PLG: variants seen among roughly 807,000 people sequenced by gnomAD.
PLG encodes the protein plasmin.
PLG carries 41 observed loss-of-function variants against 104.4 expected under a neutral mutation model. The ratio of observed to expected loss-of-function variants is 0.39; its 90% CI spans 0.31 to 0.51. PLG has a LOEUF of 0.51. Among genes scored for constraint, PLG ranks in the 20% least tolerant of loss-of-function variants. The pLI, the probability that PLG is intolerant of heterozygous loss-of-function variation, is 0.76. For synonymous variants in PLG, 337 were observed against 357.1 expected, an observed-to-expected ratio of 0.94 and a Z score of 0.63; for missense variants, 891 against 1,003.6, an observed-to-expected ratio of 0.89 and a Z score of 1.52.
rs144869703 is a variant in PLG at position 160,741,378 on chromosome 6, C to G, written c.2086C>G (p.Arg696Gly). The G allele has an allele frequency of 2.5e-6, 4 of 1,613,180 alleles. No homozygotes were observed. The highest frequency in any genetic ancestry group is 3.3e-4 in the Middle Eastern group (2 of 6,056). Residue 696 changes from arginine to glycine, a missense_variant, in exon 17 of 19, where the codon CGG (arginine) becomes GGG (glycine). Transcript: ENST00000308192. This position sits in a 1 kb window ranked among gnomAD's most constrained non-coding sequence, Gnocchi z 4.7. ...ATCCCCAAATTATGTGGTCGCTGAC[C>G]GGACCGAATGTTTCATCACTGGCTG... ...LPSPNYVVAD[R>G]TECFITGWGE... is the part of the protein sequence containing the mutation.
At chr6:160,715,776 A>C (rs1250279993) in intron 6 of PLG, among the ~76,000 whole-genome samples, 1 of 152,216 alleles carries the variant, frequency 6.6e-6, no homozygotes, top group African/African-American at 2.4e-5. Context: ...ATTTTCCTTC[A>C]AAGGAGAAAT....
intron 3 of PLG, 148 bp from the exon 4 acceptor site, chr6:160,710,929 C>T: frequency 1.4e-6 from 1 of 728,024 alleles, no homozygotes; most frequent in Non-Finnish European, 2.5e-6. Flanking sequence ...TTTACTGCAG[C>T]CTTTTTGCAG....
Position 160,731,686 on chromosome 6 carries a change from T to C in PLG, c.1439-59T>C. ...GAGAAACCTGACATGACTGTATTGATTCCATATCATCCTGGGTCTCTGTGG... is the reference window on the plus strand; with the variant it reads ...GAGAAACCTGACATGACTGTATTGACTCCATATCATCCTGGGTCTCTGTGG... On this transcript the variant is annotated intron_variant, in intron 11 of 18. Coordinates refer to ENST00000308192, the MANE Select transcript of PLG (RefSeq NM_000301.5). The surrounding 1 kb of genome is among the most constrained non-coding windows in gnomAD (Gnocchi z 5.1). 2 of 1,524,202 alleles carry C rather than the reference T, an allele frequency of 1.3e-6. No homozygotes were observed. The highest frequency in any genetic ancestry group is 1.8e-6 in the Non-Finnish European group (2 of 1,098,172). The allele number at this position is 1,524,202 out of a possible 1,614,324, so 94.4% of individuals were successfully genotyped here.
chr6:160,723,241 A>G lies in PLG; in HGVS notation c.1256+674A>G, dbSNP rs1777873478. On this transcript the variant is annotated intron_variant, in intron 10 of 18. Coordinates refer to ENST00000308192, the MANE Select transcript of PLG (RefSeq NM_000301.5). The surrounding 1 kb of genome is among the most constrained non-coding windows in gnomAD (Gnocchi z 4.7). Reference sequence around the variant, plus strand: ...CTGAGCACCAGTGGCCTGAAAGGATATGGGTTGCTGGGACATGAAGAACAA... The same window carrying G: ...CTGAGCACCAGTGGCCTGAAAGGATGTGGGTTGCTGGGACATGAAGAACAA... Among the ~76,000 whole-genome samples, 1 of 150,644 alleles carries G rather than the reference A, an allele frequency of 6.6e-6. No individual in the cohort carries two copies. Among genetic ancestry groups the G allele is most frequent in the Admixed American group, 6.6e-5 (1 of 15,158 alleles).
chr6:160,730,962 A>G, intron 10 of PLG, 89 bp from the exon 11 acceptor site: 1 of 1,327,716 alleles, frequency 7.5e-7, no homozygotes, highest in African/African-American at 1.5e-5. Flanking sequence ...CCACTTGTTA[A>G]CACTTTGTTA....
chr6:160,751,717 T>C (rs895430578), intron 17 of PLG, among the ~76,000 whole-genome samples: 12 of 152,092 alleles, frequency 7.9e-5, no homozygotes, highest in Non-Finnish European at 1.2e-4. Context: ...CAATGATGAG[T>C]GAAAAAATCA....
intron 1 of PLG, chr6:160,705,889 T>C (rs556302948): frequency 1.3e-5 from 2 of 155,390 alleles, no homozygotes; most frequent in South Asian, 2.0e-4. Flanking sequence ...AAATTTGTTC[T>C]TGTTTAAGGA....
chr6:160,725,437 T>G lies in PLG; in HGVS notation c.1256+2870T>G, dbSNP rs941906232. The stretch of plus-strand genomic sequence containing the variant: ...AAGGTGGTAAGTTAAAGAGGGTTAT[T>G]GCAAATCCTAGAACAACTGAAAAAA... On this transcript the variant is annotated intron_variant, in intron 10 of 18. Transcript: ENST00000308192. This position sits in a 1 kb window ranked among gnomAD's most constrained non-coding sequence, Gnocchi z 6.3. Among the ~76,000 whole-genome samples the G allele has an allele frequency of 1.3e-5, 2 of 152,182 alleles. No individual in the cohort carries two copies. Among genetic ancestry groups the G allele is most frequent in the Non-Finnish European group, 2.9e-5 (2 of 68,012 alleles).
Position 160,711,562 on chromosome 6 carries a change from C to G in PLG, c.407+371C>G, listed in dbSNP as rs1326197801. ...ATAATTTCATCACTTTTAATTCAAA[C>G]CACAATATGTGAATAAGCAGATAGA... On this transcript the variant is annotated intron_variant, in intron 4 of 18. Coordinates refer to ENST00000308192, the MANE Select transcript of PLG (RefSeq NM_000301.5). 2.5e-6 allele frequency: 4 copies of G among 1,607,166 alleles called. No individual in the cohort carries two copies. In the East Asian group the frequency reaches 8.9e-5, roughly 36 times the overall value.
Position 160,753,390 on chromosome 6 carries a change from A to G in PLG, c.*329A>G. The G allele has an allele frequency of 2.5e-6, 1 of 394,418 alleles. No individual in the cohort carries two copies. The highest frequency in any genetic ancestry group is 2.1e-5 in the South Asian group (1 of 47,092). 24.4% of individuals were successfully genotyped at this position (394,418 alleles called of 1,614,324 possible). A position where few individuals can be genotyped will look rare whatever the true frequency, so the allele number is the denominator to read the frequency against. ...GGGGATTTAGCTGCTTTTGATAAGG[A>G]ACAGCTGCACAAAGGACTGAGCAGG... On this transcript the variant is annotated 3_prime_UTR_variant, in exon 19 of 19. Transcript: ENST00000308192. This position sits in a 1 kb window ranked among gnomAD's most constrained non-coding sequence, Gnocchi z 5.4.
intron 6 of PLG, among the ~76,000 whole-genome samples, chr6:160,715,496 A>G (rs1777713210): frequency 6.6e-6 from 1 of 152,232 alleles, no homozygotes; most frequent in African/African-American, 2.4e-5. Flanking sequence ...AATTTAAAAT[A>G]AGAATAAGCT....
chr6:160,718,711 C>T lies in PLG; in HGVS notation c.969C>T (p.Tyr323=), dbSNP rs781555655. 1 of 1,614,002 alleles carries T rather than the reference C, an allele frequency of 6.2e-7. No individual in the cohort carries two copies. The highest frequency in any genetic ancestry group is 8.5e-7 in the Non-Finnish European group (1 of 1,179,922). The change falls in exon 9 of 19, where the codon TAC becomes TAT. Residue 323 remains tyrosine (Y), a synonymous_variant. Coordinates refer to ENST00000308192, the MANE Select transcript of PLG (RefSeq NM_000301.5). ...NFPCKNLDEN[Y]CRNPDGKRAP... ...TTTTCAGAAATTTGGATGAAAACTA[C>T]TGCCGCAATCCTGACGGAAAAAGGG...
In PLG at chr6:160,734,256, A is replaced by G. The variant is rs1778050866; in HGVS notation, c.1681+168A>G. 6.6e-6 allele frequency among the ~76,000 whole-genome samples: 1 copy of G among 152,152 alleles called. No homozygotes were observed. The highest frequency in any genetic ancestry group is 1.5e-5 in the Non-Finnish European group (1 of 68,036). On this transcript the variant is annotated intron_variant, in intron 13 of 18. Transcript: ENST00000308192. This position sits in a 1 kb window ranked among gnomAD's most constrained non-coding sequence, Gnocchi z 4.4. ...TTGAATCTGCCCTACTATTGGCCACATTTGTTAGAGGAACACCTGCCCATC... is the reference window on the plus strand; with the variant it reads ...TTGAATCTGCCCTACTATTGGCCACGTTTGTTAGAGGAACACCTGCCCATC...
In PLG at chr6:160,739,236, C is replaced by G. The variant is rs377337379; in HGVS notation, c.2018+28C>G. 6.2e-7 allele frequency: 1 copy of G among 1,613,874 alleles called. No individual in the cohort carries two copies. The highest frequency in any genetic ancestry group is 1.1e-5 in the South Asian group (1 of 91,080). On this transcript the variant is annotated intron_variant, in intron 16 of 18. Coordinates refer to ENST00000308192, the MANE Select transcript of PLG (RefSeq NM_000301.5). The surrounding 1 kb of genome is among the most constrained non-coding windows in gnomAD (Gnocchi z 4.4). ...ACTCGTTCACCTGTGGTCTTCACCC[C>G]ACGCTGGTGAAGATATTTGCTTTAT...
chr6:160,714,082 C>T (rs1257714117), intron 5 of PLG, among the ~76,000 whole-genome samples: 5 of 152,174 alleles, frequency 3.3e-5, no homozygotes, highest in African/African-American at 1.2e-4. Flanking sequence ...TTAAGCACCA[C>T]CAATGCATCA....
In PLG at chr6:160,739,411, C is replaced by G. The variant is rs1778148295; in HGVS notation, c.2018+203C>G. Reference sequence around the variant, plus strand: ...GCTCTTGAGAAAGGCAGCAGGACTCCGTTTTCTCATGTGGAAAAAGAGTTG... The same window carrying G: ...GCTCTTGAGAAAGGCAGCAGGACTCGGTTTTCTCATGTGGAAAAAGAGTTG... On this transcript the variant is annotated intron_variant, in intron 16 of 18. Transcript: ENST00000308192. The surrounding 1 kb of genome is among the most constrained non-coding windows in gnomAD (Gnocchi z 4.4). Among the ~76,000 whole-genome samples, 1 of 152,028 alleles carries G rather than the reference C, an allele frequency of 6.6e-6. No homozygotes were observed.
At chr6:160,743,878 A>C (rs2115183551) in intron 17 of PLG, among the ~76,000 whole-genome samples, 1 of 152,232 alleles carries the variant, frequency 6.6e-6, no homozygotes, top group East Asian at 1.9e-4. Context: ...AAGGATGGTA[A>C]ATTTTATCAA....
Position 160,724,656 on chromosome 6 carries a change from G to C in PLG, c.1256+2089G>C, listed in dbSNP as rs1228678910. On this transcript the variant is annotated intron_variant, in intron 10 of 18. Transcript: ENST00000308192. This position sits in a 1 kb window ranked among gnomAD's most constrained non-coding sequence, Gnocchi z 5.0. The stretch of plus-strand genomic sequence containing the variant: ...ATGCCTTCTCGTCAGAAACTATGCT[G>C]GTCAGAAACAATGAAATAACACCTT... 1.3e-5 allele frequency among the ~76,000 whole-genome samples: 2 copies of C among 151,742 alleles called. No individual in the cohort carries two copies. Among genetic ancestry groups the C allele is most frequent in the South Asian group, 2.1e-4 (1 of 4,810 alleles).
chr6:160,704,842 T>A (rs1391367846), intron 1 of PLG, among the ~76,000 whole-genome samples: 1 of 152,200 alleles, frequency 6.6e-6, no homozygotes, highest in East Asian at 1.9e-4. Context: ...CCTTGTGCTC[T>A]GTGTACCCTC....
Sources: gnomAD v4.1 joint callset for allele counts (sites outside exome capture counted in the v4.1 genomes callset) on GRCh38, gnomAD v4.1.1 for gene constraint, Gnocchi (gnomAD v3.1) non-coding constraint, MANE v1.5 for transcripts, NCBI Gene and HGNC (gene_info 2026-07-23, HGNC 2026-07-21) for gene names.